Variants in ADCY9 observed in about 807,000 individuals in gnomAD.
The protein encoded by ADCY9 is adenylate cyclase type 9.
A neutral mutation model predicts 101.5 loss-of-function variants in ADCY9; 50 were observed. That is an observed-to-expected ratio of 0.49 (90% CI 0.39 to 0.62). The LOEUF is 0.62. Among genes scored for constraint, ADCY9 ranks in the 20% least tolerant of loss-of-function variants. ADCY9 has a pLI of 0.00. For missense variants in ADCY9, 1,662 were observed against 1,800.4 expected, an observed-to-expected ratio of 0.92 and a Z score of 1.39; for synonymous variants, 905 against 769.3, an observed-to-expected ratio of 1.18 and a Z score of -2.92.
chr16:4,061,379 A>T (rs1352174175), intron 2 of ADCY9, among the ~76,000 whole-genome samples: 1 of 152,082 alleles, frequency 6.6e-6, no homozygotes, highest in East Asian at 1.9e-4. Flanking sequence ...AGCTCAAAAA[A>T]CTCCAACTCA....
chr16:4,096,926 A>G (rs116403718), intron 2 of ADCY9, among the ~76,000 whole-genome samples: 163 of 152,282 alleles, frequency 1.1e-3, no homozygotes, highest in African/African-American at 3.8e-3. Context: ...ATAGCATTAC[A>G]TAAAAATCCT....
intron 2 of ADCY9, among the ~76,000 whole-genome samples, chr16:4,083,796 C>T (rs1321766326): frequency 5.3e-5 from 8 of 152,154 alleles, no homozygotes; most frequent in African/African-American, 1.9e-4. Flanking sequence ...TATGAAATGT[C>T]CAGAACAGGC....
At chr16:3,959,324 T>A (rs1433790826), downstream of ADCY9, among the ~76,000 whole-genome samples, 1 of 148,422 alleles carries the variant, frequency 6.7e-6, no homozygotes, top group African/African-American at 2.5e-5. Flanking sequence ...ATTGAGCCAC[T>A]GCATTCCAGC....
At position 3,977,604 on chromosome 16, in the gene ADCY9, C is replaced by T. The variant is rs2240735; in HGVS notation, c.2706G>A (p.Ala902=). ...IHFPVFTGSA[A]LIAVVHYCNF... The stretch of plus-strand genomic sequence containing the variant: ...TACAGTAGTGCACGACGGCAATCAG[C>T]GCGGCCGAGCCTGTGAACACTGGGA... Residue 902 remains alanine, a synonymous_variant, in exon 9 of 11, where the codon GCG becomes GCA. Coordinates refer to ENST00000294016, the MANE Select transcript of ADCY9 (RefSeq NM_001116.4). 0.7 allele frequency: 1,121,078 copies of T among 1,611,452 alleles called. 404,100 individuals are homozygous for T. The highest frequency in any genetic ancestry group is 0.75 in the Non-Finnish European group (883,225 of 1,179,292).
chr16:4,069,827 G>C lies in ADCY9; in HGVS notation c.1693+43923C>G, dbSNP rs182771027. ...AGTATATAATGCGGCCAGGCATGGTGGCTCACACTTGTAATCCCAGCACTT... is the reference window on the plus strand; with the variant it reads ...AGTATATAATGCGGCCAGGCATGGTCGCTCACACTTGTAATCCCAGCACTT... On this transcript the variant is annotated intron_variant, in intron 2 of 10. Transcript: ENST00000294016. Among the ~76,000 whole-genome samples the C allele has an allele frequency of 2.0e-5, 3 of 152,288 alleles. No individual in the cohort carries two copies. In the East Asian group the frequency reaches 5.8e-4, roughly 29 times the overall value.
intron 6 of ADCY9, among the ~76,000 whole-genome samples, chr16:3,988,037 G>C (rs1344335366): frequency 6.7e-6 from 1 of 150,192 alleles, no homozygotes; most frequent in African/African-American, 2.5e-5. Context: ...GCTGGAGGCT[G>C]TAAGGAGGGG....
chr16:4,024,860 C>G (rs551530350), intron 2 of ADCY9, among the ~76,000 whole-genome samples: 1 of 152,214 alleles, frequency 6.6e-6, no homozygotes, highest in South Asian at 2.1e-4. Flanking sequence ...ACCTCCCAAG[C>G]TGAAGATGCT....
rs762374861 is a variant in ADCY9, at chr16:4,114,703, C to A, written c.740G>T (p.Cys247Phe). ...AAGGACAGAGTAGGCCACCCCCAGA[C>A]ACAAACTCAGGTACAAAGGTAAGTG... ...VMHLPLYLSL[C>F]LGVAYSVLFE... Residue 247 changes from cysteine (C) to phenylalanine (F), a missense_variant, in exon 2 of 11, where the codon TGT becomes TTT. Cys to Phe is a radical substitution (Grantham distance 205). This residue lies in a region of ADCY9 where 422 missense variants were observed against 392.0 expected (regional missense o/e 1.08). Coordinates refer to ENST00000294016, the MANE Select transcript of ADCY9 (RefSeq NM_001116.4). The surrounding 1 kb of genome is among the most constrained non-coding windows in gnomAD (Gnocchi z 4.3). The A allele has an allele frequency of 3.1e-6, 5 of 1,613,046 alleles. No individual in the cohort carries two copies. The African/African-American group carries it at 6.7e-5, about 22-fold the overall frequency.
At position 3,983,247 on chromosome 16, in the gene ADCY9, A is replaced by T; in HGVS notation, c.2504T>A (p.Leu835His). 1.3e-6 allele frequency: 2 copies of T among 1,551,194 alleles called. No individual in the cohort carries two copies. The highest frequency in any genetic ancestry group is 1.7e-6 in the Non-Finnish European group (2 of 1,147,124). The change falls in exon 7 of 11, where the codon CTC (leucine) becomes CAC (histidine). Residue 835 changes from leucine to histidine, a missense_variant. By Grantham distance (99) the Leu-to-His change is moderately conservative (BLOSUM62 -3). Coordinates refer to ENST00000294016, the MANE Select transcript of ADCY9 (RefSeq NM_001116.4). ...CGGCGCTTACCTGATGGACACCGCG[A>T]GGGACAGCACCTCCAGCAGCAGGGC... ...SAALLLEVLS[L>H]AVSIRMVFFL...
chr16:3,994,343 A>C (rs1192611618), intron 3 of ADCY9, among the ~76,000 whole-genome samples: 3 of 152,218 alleles, frequency 2.0e-5, no homozygotes, highest in African/African-American at 4.8e-5. Context: ...GTGGTATTTC[A>C]ACAGGGTTTC....
intron 2 of ADCY9, among the ~76,000 whole-genome samples, chr16:4,111,637 A>C (rs1597234630): frequency 6.6e-6 from 1 of 152,212 alleles, no homozygotes; most frequent in East Asian, 1.9e-4. Context: ...AAATGAGCTC[A>C]AGAAAACAAA....
At chr16:4,069,503 G>A (rs988433696) in intron 2 of ADCY9, among the ~76,000 whole-genome samples, 2 of 151,860 alleles carry the variant, frequency 1.3e-5, no homozygotes, top group Non-Finnish European at 2.9e-5. Flanking sequence ...AAGGTTGGAA[G>A]AACAACGAAT....
In ADCY9 at chr16:4,027,733, T is replaced by C. The variant is rs146325583; in HGVS notation, c.1694-20175A>G. On this transcript the variant is annotated intron_variant, in intron 2 of 10. Coordinates refer to ENST00000294016, the MANE Select transcript of ADCY9 (RefSeq NM_001116.4). Reference sequence around the variant, plus strand: ...CTCTACTAGTAAAACAAAAATTAGCTGGGTGTGGTGGTCCATGCCTGTAAT... The same window carrying C: ...CTCTACTAGTAAAACAAAAATTAGCCGGGTGTGGTGGTCCATGCCTGTAAT... Among the ~76,000 whole-genome samples, 683 of 152,024 alleles carry C rather than the reference T, an allele frequency of 4.5e-3. 6 individuals are homozygous for C. The highest frequency in any genetic ancestry group is 0.014 in the African/African-American group (582 of 41,462).
intron 2 of ADCY9, among the ~76,000 whole-genome samples, chr16:4,027,545 A>AAG (rs946667036): frequency 6.6e-6 from 1 of 152,198 alleles, no homozygotes; most frequent in African/African-American, 2.4e-5. Context: ...GACGGCAGGG[A>AAG]AGAGAGAGAG....
At chr16:4,055,867 C>A (rs1454295675) in intron 2 of ADCY9, among the ~76,000 whole-genome samples, 1 of 152,078 alleles carries the variant, frequency 6.6e-6, no homozygotes, top group African/African-American at 2.4e-5. Flanking sequence ...GGGAACAATT[C>A]CCCAGCAGAA....
chr16:3,979,919 T>C (rs1181013524), intron 7 of ADCY9, among the ~76,000 whole-genome samples: 3 of 152,242 alleles, frequency 2.0e-5, no homozygotes, highest in African/African-American at 7.2e-5. Context: ...TGACACACCC[T>C]GGATTTTCTT....
intron 10 of ADCY9, among the ~76,000 whole-genome samples, chr16:3,970,376 G>T (rs1365534082): frequency 6.6e-6 from 1 of 151,682 alleles, no homozygotes; most frequent in African/African-American, 2.4e-5. Flanking sequence ...TGCCCTGGCT[G>T]GAGTGCAATG....
At chr16:4,017,133 C>T (rs1376108385) in intron 2 of ADCY9, among the ~76,000 whole-genome samples, 1 of 150,406 alleles carries the variant, frequency 6.6e-6, no homozygotes, top group African/African-American at 2.4e-5. Context: ...CACTATGCTC[C>T]AGCCTAGGTG....
chr16:3,993,177 G>A (rs912584477), intron 4 of ADCY9, among the ~76,000 whole-genome samples: 1 of 152,152 alleles, frequency 6.6e-6, no homozygotes, highest in African/African-American at 2.4e-5. Context: ...GCCTTTAAAG[G>A]AATCCCGCCC....
Sources: allele counts gnomAD v4.1 joint callset (sites outside exome capture counted in the v4.1 genomes callset), GRCh38; gene constraint gnomAD v4.1.1; regional missense constraint gnomAD v4.1.1; non-coding constraint Gnocchi (gnomAD v3.1); transcripts MANE v1.5; gene names NCBI Gene and HGNC (gene_info 2026-07-23, HGNC 2026-07-21).